Variants in GRIP1 observed in about 807,000 individuals in gnomAD.
GRIP1 encodes the protein glutamate receptor-interacting protein 1.
Under a neutral mutation model 129.9 loss-of-function variants are expected in GRIP1, and 45 were observed. That is an observed-to-expected ratio of 0.35 (90% CI 0.27 to 0.44). GRIP1 has a LOEUF of 0.44. GRIP1 is among the 20% of genes least tolerant of loss of function. The pLI is 1.00. For missense variants in GRIP1, 1,196 were observed against 1,396.8 expected, an observed-to-expected ratio of 0.86 and a Z score of 2.29; for synonymous variants, 530 against 520.8, an observed-to-expected ratio of 1.02 and a Z score of -0.24.
intron 1 of GRIP1, among the ~76,000 whole-genome samples, chr12:66,668,482 G>A (rs1444030145): frequency 6.6e-6 from 1 of 152,204 alleles, no homozygotes; most frequent in Non-Finnish European, 1.5e-5. Context: ...GCTGCCTGGT[G>A]CTGTTTCTGG....
intron 1 of GRIP1, among the ~76,000 whole-genome samples, chr12:66,761,193 C>G (rs2037464328): frequency 6.6e-6 from 1 of 151,982 alleles, no homozygotes; most frequent in African/African-American, 2.4e-5. Flanking sequence ...TGCCTTTCCT[C>G]TATCCCAAGC....
chr12:66,484,855 T>C (rs541209799), intron 7 of GRIP1, among the ~76,000 whole-genome samples: 6 of 152,332 alleles, frequency 3.9e-5, no homozygotes, highest in East Asian at 3.9e-4. Flanking sequence ...AAAGAAATTA[T>C]AAATGTTTGA....
chr12:66,912,873 T>G (rs571834378), intron 1 of GRIP1, among the ~76,000 whole-genome samples: 18 of 152,306 alleles, frequency 1.2e-4, no homozygotes, highest in African/African-American at 4.3e-4. Context: ...TTTCTTTCTC[T>G]ACTCAGGTGT....
rs994211531 is a variant in GRIP1, at chr12:66,582,535, G to A, written c.136+14312C>T. Among the ~76,000 whole-genome samples, 51 of 143,764 alleles carry A rather than the reference G, an allele frequency of 3.5e-4. 1 individual carries two copies. Among genetic ancestry groups the A allele is most frequent in the African/African-American group, 1.3e-3 (50 of 39,066 alleles). The allele number at this position is 143,764 out of a possible 152,430, so 94.3% of individuals were successfully genotyped here. A position where few individuals can be genotyped will look rare whatever the true frequency, so the allele number is the denominator to read the frequency against. Reference sequence around the variant, plus strand: ...TTGTCTCAGCCCAAAATCTCCTTAAGCTGATAAGCAACTTCAGCAAAGTCT... The same window carrying A: ...TTGTCTCAGCCCAAAATCTCCTTAAACTGATAAGCAACTTCAGCAAAGTCT... On this transcript the variant is annotated intron_variant, in intron 2 of 24. Transcript: ENST00000359742.
rs151171839 is a variant in GRIP1 at position 66,964,595 on chromosome 12, C to T, written c.58+104455G>A. 4.3e-3 allele frequency among the ~76,000 whole-genome samples: 659 copies of T among 152,202 alleles called. 3 individuals carry two copies. The highest frequency in any genetic ancestry group is 0.015 in the African/African-American group (628 of 41,532). ...CACCAGGCTAACACCTACCCTCTCCCGGCCAGTTTTCCCTGATCCCCCCAG... is the reference window on the plus strand; with the variant it reads ...CACCAGGCTAACACCTACCCTCTCCTGGCCAGTTTTCCCTGATCCCCCCAG... On this transcript the variant is annotated intron_variant, in intron 1 of 1. Transcript: ENST00000643019.
At chr12:66,375,808 C>T (rs930548165) in intron 22 of GRIP1, among the ~76,000 whole-genome samples, 1 of 152,048 alleles carries the variant, frequency 6.6e-6, no homozygotes, top group African/African-American at 2.4e-5. Context: ...TTCTTTTTGC[C>T]TAATGTAAAA....
At chr12:66,890,318 C>T (rs1397670281) in intron 1 of GRIP1, among the ~76,000 whole-genome samples, 2 of 152,162 alleles carry the variant, frequency 1.3e-5, no homozygotes, top group East Asian at 3.8e-4. Flanking sequence ...AAAGGCAATG[C>T]TTGAACCACA....
At chr12:66,972,908 AG>A (rs2042094685) in intron 1 of GRIP1, among the ~76,000 whole-genome samples, 1 of 152,200 alleles carries the variant, frequency 6.6e-6, no homozygotes, top group African/African-American at 2.4e-5. Flanking sequence ...ACATTCTCAA[AG>A]GAACTCCTGG....
chr12:66,473,225 G>C (rs558093226), intron 7 of GRIP1, among the ~76,000 whole-genome samples: 1 of 152,256 alleles, frequency 6.6e-6, no homozygotes, highest in East Asian at 1.9e-4. Flanking sequence ...TTTGAACTGG[G>C]CAGAGGCCAC....
intron 7 of GRIP1, among the ~76,000 whole-genome samples, chr12:66,489,133 C>T (rs965266690): frequency 2.0e-5 from 3 of 152,146 alleles, no homozygotes; most frequent in African/African-American, 7.2e-5. Flanking sequence ...AGACCAGCAT[C>T]ATTCTGGTGC....
intron 1 of GRIP1, among the ~76,000 whole-genome samples, chr12:67,032,288 C>T (rs2043034223): frequency 6.6e-6 from 1 of 152,212 alleles, no homozygotes; most frequent in Admixed American, 6.5e-5. Context: ...CATTTATTCT[C>T]CCCTCATCTT....
chr12:66,417,254 A>G (rs903537315), intron 15 of GRIP1, among the ~76,000 whole-genome samples: 10 of 152,172 alleles, frequency 6.6e-5, no homozygotes, highest in African/African-American at 2.4e-4. Context: ...TTCATGATAA[A>G]AATCCTCAAA....
intron 1 of GRIP1, among the ~76,000 whole-genome samples, chr12:66,897,351 T>C (rs1174078906): frequency 6.6e-6 from 1 of 152,196 alleles, no homozygotes; most frequent in Non-Finnish European, 1.5e-5. Flanking sequence ...GAGTCTTCCA[T>C]GGAGGTGAGA....
Position 66,465,358 on chromosome 12 carries a change from A to C in GRIP1, c.789T>G (p.Leu263=). 6.2e-7 allele frequency: 1 copy of C among 1,613,906 alleles called. No homozygotes were observed. The highest frequency in any genetic ancestry group is 8.5e-7 in the Non-Finnish European group (1 of 1,179,762). ...VEVAKTPGAS[L]GVALTTSMCC... ...ACATCGAGGTAGTTAGGGCAACCCC[A>C]AGGCTGGCACCAGGAGTTTTGGCAA... The change falls in exon 8 of 25, where the codon CTT becomes CTG. Residue 263 remains leucine (L), a synonymous_variant. Transcript: ENST00000359742.
At chr12:67,038,997 A>T (rs2043138062) in intron 1 of GRIP1, among the ~76,000 whole-genome samples, 2 of 144,912 alleles carry the variant, frequency 1.4e-5, no homozygotes, top group African/African-American at 5.1e-5. Context: ...TATATGTAAT[A>T]AGAAATAGTC....
intron 1 of GRIP1, among the ~76,000 whole-genome samples, chr12:67,068,868 C>T (rs1437620317): frequency 4.2e-5 from 4 of 94,390 alleles, no homozygotes; most frequent in African/African-American, 1.7e-4. Flanking sequence ...CCCCCCCCCC[C>T]GCAAAAAAAA....
intron 1 of GRIP1, among the ~76,000 whole-genome samples, chr12:66,785,343 C>CATATATATATATATAT (rs199738180): frequency 0.025 from 1,795 of 72,628 alleles, 100 homozygotes; most frequent in Admixed American, 0.048. Flanking sequence ...TACATACATA[C>CATATATATATATATAT]ATATATATAT....
intron 7 of GRIP1, among the ~76,000 whole-genome samples, chr12:66,490,980 G>A (rs898622096): frequency 7.9e-5 from 12 of 152,292 alleles, no homozygotes; most frequent in African/African-American, 2.9e-4. Flanking sequence ...GCAAGGTTGC[G>A]AAGAAAAAGG....
intron 1 of GRIP1, among the ~76,000 whole-genome samples, chr12:67,051,308 C>T (rs1194511694): frequency 6.6e-6 from 1 of 152,056 alleles, no homozygotes; most frequent in African/African-American, 2.4e-5. Context: ...CATTCATCTA[C>T]TAGAGGTAGG....
Sources: gnomAD v4.1 joint callset for allele counts (sites outside exome capture counted in the v4.1 genomes callset) on GRCh38, gnomAD v4.1.1 for gene constraint, MANE v1.5 for transcripts, NCBI Gene and HGNC (gene_info 2026-07-23, HGNC 2026-07-21) for gene names.